The following DMC1 variants were observed in gnomAD, a reference collection of about 807,000 sequenced individuals.
The protein encoded by DMC1 is DNA meiotic recombinase 1.
Under a neutral mutation model 50.1 loss-of-function variants are expected in DMC1, and 27 were observed. That is an observed-to-expected ratio of 0.54 (90% CI 0.40 to 0.74). The LOEUF is 0.74. Among genes scored for constraint, DMC1 ranks in the 30% least tolerant of loss-of-function variants. The pLI is 0.00. For missense variants in DMC1, 295 were observed against 420.2 expected, an observed-to-expected ratio of 0.70 and a Z score of 2.60; for synonymous variants, 148 against 136.1, an observed-to-expected ratio of 1.09 and a Z score of -0.61.
intron 12 of DMC1, among the ~76,000 whole-genome samples, chr22:38,528,335 A>T (rs190504557): frequency 2.0e-4 from 31 of 151,928 alleles, no homozygotes; most frequent in Admixed American, 2.0e-3. Flanking sequence ...AAGTGTTGGG[A>T]TTACAGGTGT....
chr22:38,518,698 T>A (rs1298772407), downstream of DMC1, among the ~76,000 whole-genome samples: 2 of 151,924 alleles, frequency 1.3e-5, no homozygotes, highest in Admixed American at 1.3e-4. Flanking sequence ...GCCTGGCTAA[T>A]TTTTTTGTAT....
chr22:38,525,477 T>A (rs1239734546), intron 12 of DMC1, among the ~76,000 whole-genome samples: 1 of 152,154 alleles, frequency 6.6e-6, no homozygotes, highest in African/African-American at 2.4e-5. Flanking sequence ...AAACTATTGT[T>A]TGCTGTTACT....
At chr22:38,541,437 G>A (rs1236908511) in intron 8 of DMC1, among the ~76,000 whole-genome samples, 3 of 152,202 alleles carry the variant, frequency 2.0e-5, no homozygotes, top group East Asian at 1.9e-4. Flanking sequence ...GACTACAGGC[G>A]TGTGCCACCA....
At chr22:38,551,203 G>A (rs935581457) in intron 7 of DMC1, among the ~76,000 whole-genome samples, 1 of 151,512 alleles carries the variant, frequency 6.6e-6, no homozygotes, top group Non-Finnish European at 1.5e-5. Context: ...AGCTGAGATC[G>A]CGCCACTGCA....
the DMC1 span, among the ~76,000 whole-genome samples, chr22:38,509,630 C>A: frequency 6.6e-6 from 1 of 151,926 alleles, no homozygotes; most frequent in African/African-American, 2.4e-5. Context: ...CAAGGAATTT[C>A]TTTGTGGGCA....
rs544581935 is a variant in DMC1 at position 38,523,200 on chromosome 22, C to T, written c.837-1476G>A. 9.8e-5 allele frequency among the ~76,000 whole-genome samples: 15 copies of T among 152,286 alleles called. No individual in the cohort carries two copies. The South Asian group carries it at 1.5e-3, about 15-fold the overall frequency. On this transcript the variant is annotated intron_variant, in intron 12 of 13. Coordinates refer to ENST00000216024, the MANE Select transcript of DMC1 (RefSeq NM_007068.4). ...GTAGTAGCCAGACAGTTGAGACTAA[C>T]GGCGGCAGTTAAGAAGTCAGAAAGC...
downstream of DMC1, among the ~76,000 whole-genome samples, chr22:38,518,000 T>G (rs905929964): frequency 1.3e-5 from 2 of 149,612 alleles, no homozygotes; most frequent in Non-Finnish European, 3.0e-5. Flanking sequence ...TGAGACGGAG[T>G]CTCGCTCTGT....
intron 7 of DMC1, among the ~76,000 whole-genome samples, chr22:38,551,549 C>T (rs1315551075): frequency 1.3e-5 from 2 of 151,844 alleles, no homozygotes; most frequent in African/African-American, 4.8e-5. Flanking sequence ...AGGCTGGTCT[C>T]AAACTCCTGA....
At chr22:38,554,347 A>G (rs1057252153) in intron 6 of DMC1, among the ~76,000 whole-genome samples, 1 of 151,950 alleles carries the variant, frequency 6.6e-6, no homozygotes, top group Admixed American at 6.6e-5. Flanking sequence ...AAATCAAACA[A>G]TAAGCTCAGA....
intron 4 of DMC1, among the ~76,000 whole-genome samples, chr22:38,564,619 G>C (rs145750276): frequency 6.6e-6 from 1 of 152,036 alleles, no homozygotes; most frequent in Non-Finnish European, 1.5e-5. Context: ...CCTGATACCC[G>C]TCTCTTAAAA....
intron 8 of DMC1, among the ~76,000 whole-genome samples, chr22:38,546,817 A>C: frequency 6.6e-6 from 1 of 152,172 alleles, no homozygotes; most frequent in East Asian, 1.9e-4. Flanking sequence ...AGAAGATAGA[A>C]ATATACCATG....
intron 1 of DMC1, 22 bp from the exon 2 acceptor site, chr22:38,568,311 T>C: frequency 6.4e-7 from 1 of 1,569,798 alleles, no homozygotes. Flanking sequence ...AGAAATATTA[T>C]GTAAGAAGTA....
At chr22:38,542,498 G>A (rs2090294168) in intron 8 of DMC1, among the ~76,000 whole-genome samples, 1 of 152,074 alleles carries the variant, frequency 6.6e-6, no homozygotes, top group African/African-American at 2.4e-5. Context: ...CTTAACCAAA[G>A]AAGTGAAGGA....
intron 12 of DMC1, among the ~76,000 whole-genome samples, chr22:38,535,620 G>A (rs1242043035): frequency 4.3e-5 from 6 of 138,516 alleles, no homozygotes; most frequent in Non-Finnish European, 9.5e-5. Flanking sequence ...TTTTTTTTTT[G>A]TTTTTGAGAC....
At chr22:38,544,787 G>A (rs561492492) in intron 8 of DMC1, among the ~76,000 whole-genome samples, 75 of 35,188 alleles carry the variant, frequency 2.1e-3, no homozygotes, top group Non-Finnish European at 2.7e-3. Flanking sequence ...CACCATGCCC[G>A]GCTAATTTTT....
chr22:38,512,693 G>A, the DMC1 span, among the ~76,000 whole-genome samples: 11 of 152,168 alleles, frequency 7.2e-5, no homozygotes, highest in Non-Finnish European at 1.6e-4. Flanking sequence ...CCCTGAAGGC[G>A]GCACTTGAGA....
intron 8 of DMC1, among the ~76,000 whole-genome samples, chr22:38,540,519 G>A (rs1490427822): frequency 6.6e-6 from 1 of 152,160 alleles, no homozygotes; most frequent in Non-Finnish European, 1.5e-5. Context: ...GTAAAATGAG[G>A]TAAAATTAAA....
chr22:38,528,389 G>C (rs1253546902), intron 12 of DMC1, among the ~76,000 whole-genome samples: 1 of 151,782 alleles, frequency 6.6e-6, no homozygotes, highest in Non-Finnish European at 1.5e-5. Flanking sequence ...ATACATACAA[G>C]GCTCCTATGT....
At chr22:38,518,109 A>G (rs1263177865), downstream of DMC1, among the ~76,000 whole-genome samples, 2 of 151,776 alleles carry the variant, frequency 1.3e-5, no homozygotes, top group African/African-American at 4.8e-5. Context: ...AGTAGCTGGG[A>G]TTACAGACGT....
Sources: gnomAD v4.1 joint callset for allele counts (sites outside exome capture counted in the v4.1 genomes callset) on GRCh38, gnomAD v4.1.1 for gene constraint, MANE v1.5 for transcripts, NCBI Gene and HGNC (gene_info 2026-07-23, HGNC 2026-07-21) for gene names.